RIN2: variants seen among roughly 807,000 people sequenced by gnomAD.
RIN2 encodes Ras and Rab interactor 2.
In RIN2, 36 loss-of-function variants were observed where a neutral mutation model predicts 78.0. That is an observed-to-expected ratio of 0.46 (90% CI 0.35 to 0.61). RIN2 has a LOEUF of 0.61. Among genes scored for constraint, RIN2 ranks in the 20% least tolerant of loss-of-function variants. The probability of loss-of-function intolerance (pLI) is 0.00; values close to 1 mark genes in which losing one functional copy is unlikely to be tolerated. For missense variants in RIN2, 1,087 were observed against 1,159.7 expected, an observed-to-expected ratio of 0.94 and a Z score of 0.91; for synonymous variants, 466 against 466.8, an observed-to-expected ratio of 1.00 and a Z score of 0.02.
At chr20:19,892,013 A>C (rs2038489712) in intron 3 of RIN2, among the ~76,000 whole-genome samples, 1 of 152,144 alleles carries the variant, frequency 6.6e-6, no homozygotes, top group South Asian at 2.1e-4. Context: ...TAAGTCATTG[A>C]CTTGTATTTC....
At chr20:19,961,842 G>T (rs1568666907) in intron 6 of RIN2, among the ~76,000 whole-genome samples, 1 of 152,098 alleles carries the variant, frequency 6.6e-6, no homozygotes, top group Non-Finnish European at 1.5e-5. Flanking sequence ...CAAGCAGGCG[G>T]AACCCAGCCA....
chr20:19,856,714 A>G (rs6081773), intron 2 of RIN2, among the ~76,000 whole-genome samples: 90,962 of 151,856 alleles, frequency 0.6, 28,772 homozygotes, highest in African/African-American at 0.79. Context: ...TAAAATAATG[A>G]TGTCCTTTAC....
intron 2 of RIN2, among the ~76,000 whole-genome samples, chr20:19,844,707 T>TTCTTCCTCTTCC (rs1568807960): frequency 2.3e-4 from 4 of 17,330 alleles, no homozygotes; most frequent in African/African-American, 6.9e-4. Flanking sequence ...CCTCTTCTTC[T>TTCTTCCTCTTCC]TCTTCTTCTT....
At chr20:19,764,854 T>G (rs1481468655) in intron 1 of RIN2, among the ~76,000 whole-genome samples, 2 of 150,672 alleles carry the variant, frequency 1.3e-5, no homozygotes, top group Non-Finnish European at 3.0e-5. Flanking sequence ...TAAACCTGCC[T>G]TTCCCCAGCT....
chr20:19,823,683 T>C lies in RIN2; in HGVS notation c.-37+23936T>C, dbSNP rs959833690. On this transcript the variant is annotated intron_variant, in intron 2 of 12. Coordinates refer to ENST00000255006, the MANE Select transcript of RIN2 (RefSeq NM_018993.4). ...TCTGTTTCTTTCTGTCTCTTGGTGG[T>C]TCCTTGAGGGCTTTGATGATCATGG... 7 of 1,582,138 alleles carry C rather than the reference T, an allele frequency of 4.4e-6. No individual in the cohort carries two copies. The African/African-American group carries it at 9.4e-5, about 21-fold the overall frequency.
At chr20:19,862,977 G>A (rs1195726582) in intron 2 of RIN2, among the ~76,000 whole-genome samples, 2 of 152,224 alleles carry the variant, frequency 1.3e-5, no homozygotes, top group Non-Finnish European at 2.9e-5. Context: ...CCTCCCTCTT[G>A]GCATCATCTA....
intron 1 of RIN2, among the ~76,000 whole-genome samples, chr20:19,771,844 C>T (rs950900487): frequency 6.6e-6 from 1 of 152,154 alleles, no homozygotes; most frequent in African/African-American, 2.4e-5. Context: ...TGTTCCACTC[C>T]GACTCTCCCT....
chr20:19,886,005 C>T (rs750999046), intron 2 of RIN2, among the ~76,000 whole-genome samples: 3 of 127,188 alleles, frequency 2.4e-5, no homozygotes, highest in Admixed American at 1.8e-4. Flanking sequence ...TAGAGGTGGG[C>T]GGGGAATAGG....
chr20:19,791,451 G>C (rs1342119975), intron 1 of RIN2, among the ~76,000 whole-genome samples: 2 of 152,132 alleles, frequency 1.3e-5, no homozygotes, highest in African/African-American at 4.8e-5. Flanking sequence ...CTTGATCTTT[G>C]AAAGAATACC....
chr20:19,939,431 A>G (rs1331050271), intron 4 of RIN2, among the ~76,000 whole-genome samples: 1 of 152,184 alleles, frequency 6.6e-6, no homozygotes, highest in African/African-American at 2.4e-5. Context: ...TGCTTCTACC[A>G]GTTCCACTTT....
At chr20:19,869,856 G>C (rs999815228) in intron 2 of RIN2, among the ~76,000 whole-genome samples, 1 of 151,268 alleles carries the variant, frequency 6.6e-6, no homozygotes, top group Non-Finnish European at 1.5e-5. Context: ...GGTTCGCTAT[G>C]TTGCCCAGAT....
intron 12 of RIN2, among the ~76,000 whole-genome samples, chr20:19,997,556 C>T (rs907166768): frequency 7.9e-5 from 12 of 152,126 alleles, no homozygotes; most frequent in African/African-American, 2.4e-4. Context: ...GTCAGGAATT[C>T]GAGACCAGCC....
At chr20:19,777,907 T>C (rs1334702754) in intron 1 of RIN2, among the ~76,000 whole-genome samples, 1 of 152,240 alleles carries the variant, frequency 6.6e-6, no homozygotes. Context: ...GCTTTGGGTG[T>C]GTGATTACAA....
chr20:20,000,515 T>G lies in RIN2; in HGVS notation c.2365-98T>G, dbSNP rs866748897. On this transcript the variant is annotated intron_variant, in intron 12 of 12. Coordinates refer to ENST00000255006, the MANE Select transcript of RIN2 (RefSeq NM_018993.4). The stretch of plus-strand genomic sequence containing the variant: ...TCGGACATTATGACAGGAAAGGGCC[T>G]GGAAATGGCTTACAGTTACCCCCTC... 42 of 945,368 alleles carry G rather than the reference T, an allele frequency of 4.4e-5. No homozygotes were observed. In the Middle Eastern group the frequency reaches 1.5e-3, roughly 34 times the overall value. 58.6% of individuals were successfully genotyped at this position (945,368 alleles called of 1,614,324 possible).
chr20:19,914,779 C>G (rs1216433093), intron 3 of RIN2, among the ~76,000 whole-genome samples: 1 of 152,158 alleles, frequency 6.6e-6, no homozygotes, highest in Non-Finnish European at 1.5e-5. Flanking sequence ...TCACCAGGTC[C>G]CTAGGTCATG....
rs139769923 is a variant in RIN2 at position 19,943,094 on chromosome 20, C to T, written c.158+7895C>T. Among the ~76,000 whole-genome samples, 42 of 152,322 alleles carry T rather than the reference C, an allele frequency of 2.8e-4. No homozygotes were observed. The Middle Eastern group carries it at 0.014, about 49-fold the overall frequency. On this transcript the variant is annotated intron_variant, in intron 4 of 12. Coordinates refer to ENST00000255006, the MANE Select transcript of RIN2 (RefSeq NM_018993.4). Reference sequence around the variant, plus strand: ...TGCATGCCCCGGGCTTGAAGGGCATCGGGACCAAGACTGGAGCCCGCCTGG... The same window carrying T: ...TGCATGCCCCGGGCTTGAAGGGCATTGGGACCAAGACTGGAGCCCGCCTGG...
At chr20:19,885,394 G>A (rs1338115127) in intron 2 of RIN2, among the ~76,000 whole-genome samples, 5 of 152,114 alleles carry the variant, frequency 3.3e-5, no homozygotes, top group Admixed American at 6.6e-5. Flanking sequence ...GGCCGGGAGC[G>A]GTGGCTCATG....
At chr20:19,870,039 GT>G (rs2037642547) in intron 2 of RIN2, among the ~76,000 whole-genome samples, 1 of 152,034 alleles carries the variant, frequency 6.6e-6, no homozygotes, top group Admixed American at 6.6e-5. Flanking sequence ...TCACTGACCT[GT>G]GCCATTTTGC....
chr20:19,827,810 CTTT>C (rs34007899), intron 2 of RIN2, among the ~76,000 whole-genome samples: 13 of 138,372 alleles, frequency 9.4e-5, no homozygotes, highest in Non-Finnish European at 1.1e-4. Context: ...TTCTTTTTTT[CTTT>C]TTTTTTTTTT....
Sources: gnomAD v4.1 joint callset for allele counts (sites outside exome capture counted in the v4.1 genomes callset) on GRCh38, gnomAD v4.1.1 for gene constraint, MANE v1.5 for transcripts, NCBI Gene and HGNC (gene_info 2026-07-23, HGNC 2026-07-21) for gene names.